The following KCNQ1 variants were observed in gnomAD, a reference collection of about 807,000 sequenced individuals.
KCNQ1 encodes the protein potassium voltage-gated channel subfamily KQT member 1.
A neutral mutation model predicts 72.4 loss-of-function variants in KCNQ1; 49 were observed. The observed-to-expected ratio is 0.68, with a 90% CI of 0.54 to 0.86. The LOEUF (loss-of-function observed/expected upper bound fraction) is 0.86. Ranked by LOEUF, KCNQ1 falls within the 40% of genes least tolerant of loss-of-function variation. The pLI is 0.00. For synonymous variants in KCNQ1, 450 were observed against 412.6 expected (o/e 1.09, Z -1.10); for missense variants, 790 against 945.1 (o/e 0.84, Z 2.15).
chr11:2,450,073 C>T lies in KCNQ1; in HGVS notation c.386+4589C>T, dbSNP rs141951176. ...CGGCCCTAGGCAGGGCCCCCAGTTCCCTGCATTCCACCCGCCTTGTCTGGG... is the reference window on the plus strand; with the variant it reads ...CGGCCCTAGGCAGGGCCCCCAGTTCTCTGCATTCCACCCGCCTTGTCTGGG... On this transcript the variant is annotated intron_variant, in intron 1 of 15. Transcript: ENST00000155840. This position sits in a 1 kb window ranked among gnomAD's most constrained non-coding sequence, Gnocchi z 7.9. Among the ~76,000 whole-genome samples, 1,029 of 152,318 alleles carry T rather than the reference C, an allele frequency of 6.8e-3. 5 individuals are homozygous for T. Among genetic ancestry groups the T allele is most frequent in the Middle Eastern group, 0.014 (4 of 294 alleles).
chr11:2,463,385 C>G lies in KCNQ1; in HGVS notation c.386+17901C>G, dbSNP rs1379763643. On this transcript the variant is annotated intron_variant, in intron 1 of 15. Transcript: ENST00000155840. The surrounding 1 kb of genome is among the most constrained non-coding windows in gnomAD (Gnocchi z 7.0). Reference sequence around the variant, plus strand: ...CCCAGATCGGCGGCTGCTCAAGGAGCCTGGTACAGCTGCACGGAGGCGCAG... The same window carrying G: ...CCCAGATCGGCGGCTGCTCAAGGAGGCTGGTACAGCTGCACGGAGGCGCAG... 2.0e-5 allele frequency among the ~76,000 whole-genome samples: 3 copies of G among 152,132 alleles called. No individual in the cohort carries two copies. The highest frequency in any genetic ancestry group is 2.9e-5 in the Non-Finnish European group (2 of 67,998).
In KCNQ1 at chr11:2,497,883, T is replaced by G. The variant is rs947461339; in HGVS notation, c.387-30045T>G. On this transcript the variant is annotated intron_variant, in intron 1 of 15. Coordinates refer to ENST00000155840, the MANE Select transcript of KCNQ1 (RefSeq NM_000218.3). The surrounding 1 kb of genome is among the most constrained non-coding windows in gnomAD (Gnocchi z 4.5). ...GGGGTCCCTTTTGTTGATGTTGATT[T>G]TGTTGCTTTCTGTTTGCTAGCTTTT... 6.6e-6 allele frequency among the ~76,000 whole-genome samples: 1 copy of G among 152,138 alleles called. No homozygotes were observed. The highest frequency in any genetic ancestry group is 2.4e-5 in the African/African-American group (1 of 41,444).
At chr11:2,684,421 C>G (rs1274972691) in intron 11 of KCNQ1, 1 of 398,662 alleles carries the variant, frequency 2.5e-6, no homozygotes, top group East Asian at 3.6e-5. Flanking sequence ...TGCCCCAGCA[C>G]CACCTCTTTC....
Position 2,777,024 on chromosome 11 carries a change from C to T in KCNQ1, c.1724C>T (p.Ser575Phe). 6.2e-7 allele frequency: 1 copy of T among 1,614,150 alleles called. No homozygotes were observed. The highest frequency in any genetic ancestry group is 8.5e-7 in the Non-Finnish European group (1 of 1,179,988). Reference sequence around the variant, plus strand: ...ATTGGGAAGCCCTCACTGTTCATCTCCGTCTCAGGTGGGTTTCTGTGTCAG... The same window carrying T: ...ATTGGGAAGCCCTCACTGTTCATCTTCGTCTCAGGTGGGTTTCTGTGTCAG... ...QSIGKPSLFI[S>F]VSEKSKDRGS... The change falls in exon 14 of 16, where the codon TCC (serine) becomes TTC (phenylalanine). Residue 575 changes from serine to phenylalanine, a missense_variant. Ser to Phe is a radical substitution (Grantham distance 155). Around this residue, in one of 5 missense-constraint regions of KCNQ1, gnomAD observed 91 missense variants for 139.1 expected, o/e 0.65. Coordinates refer to ENST00000155840, the MANE Select transcript of KCNQ1 (RefSeq NM_000218.3).
intron 1 of KCNQ1, 30 bp downstream of exon 1, chr11:2,445,514 C>G (rs779099111): frequency 3.2e-6 from 5 of 1,584,454 alleles, no homozygotes; most frequent in African/African-American, 1.3e-5. Flanking sequence ...ACGGCCGGCA[C>G]GAAGGTGCTT....
chr11:2,609,195 GT>G (rs1181636852), intron 10 of KCNQ1: 1 of 398,032 alleles, frequency 2.5e-6, no homozygotes, highest in African/African-American at 2.1e-5. Flanking sequence ...TGCTTTAAAT[GT>G]ATCCCATAAG....
intron 12 of KCNQ1, among the ~76,000 whole-genome samples, chr11:2,770,812 G>T (rs957184100): frequency 6.6e-6 from 1 of 152,244 alleles, no homozygotes; most frequent in African/African-American, 2.4e-5. Context: ...GGAGCAGGGA[G>T]CTCACTCGGG....
rs750631294 is a variant in KCNQ1 at position 2,720,109 on chromosome 11, G to A, written c.1515-48735G>A. 1.3e-4 allele frequency among the ~76,000 whole-genome samples: 20 copies of A among 152,234 alleles called. No individual in the cohort carries two copies. Among genetic ancestry groups the A allele is most frequent in the Non-Finnish European group, 8.8e-5 (6 of 68,040 alleles). On this transcript the variant is annotated intron_variant, in intron 11 of 15. Transcript: ENST00000155840. The surrounding 1 kb of genome is among the most constrained non-coding windows in gnomAD (Gnocchi z 5.1). ...ACTGGAGGGGCTCCTGCTGAAAGAG[G>A]TGGGGTTCAGTTCCCAAACCCACTG...
At chr11:2,794,954 A>C (rs1847101222) in intron 15 of KCNQ1, among the ~76,000 whole-genome samples, 1 of 152,274 alleles carries the variant, frequency 6.6e-6, no homozygotes, top group Admixed American at 6.5e-5. Flanking sequence ...GGTATAGCTC[A>C]TCACACCCCC....
Position 2,657,913 on chromosome 11 carries a change from A to T in KCNQ1, c.1394-4048A>T. 2.5e-6 allele frequency: 1 copy of T among 398,612 alleles called. No individual in the cohort carries two copies. Among genetic ancestry groups the T allele is most frequent in the Non-Finnish European group, 4.4e-6 (1 of 226,058 alleles). 24.7% of individuals were successfully genotyped at this position (398,612 alleles called of 1,614,324 possible). A position where few individuals can be genotyped will look rare whatever the true frequency, so the allele number is the denominator to read the frequency against. On this transcript the variant is annotated intron_variant, in intron 10 of 15. Coordinates refer to ENST00000155840, the MANE Select transcript of KCNQ1 (RefSeq NM_000218.3). This position sits in a 1 kb window ranked among gnomAD's most constrained non-coding sequence, Gnocchi z 4.8. ...GATGCTTTCCTCATTGTGGAACATG[A>T]CATCAACATGGTTTATCACTGGTAA... is the stretch of plus-strand genomic sequence containing the variant.
intron 1 of KCNQ1, among the ~76,000 whole-genome samples, chr11:2,499,243 G>A (rs542105662): frequency 9.7e-4 from 148 of 152,256 alleles, no homozygotes; most frequent in African/African-American, 3.5e-3. Context: ...GTCATCATCA[G>A]TTTAAAATAA....
intron 10 of KCNQ1, chr11:2,634,148 T>TG (rs1849411785): frequency 2.5e-6 from 1 of 397,392 alleles, no homozygotes; most frequent in African/African-American, 2.1e-5. Context: ...TTTTTTTTTT[T>TG]AGATTTCTCT....
At chr11:2,802,546 C>T (rs80090190) in intron 15 of KCNQ1, among the ~76,000 whole-genome samples, 1,541 of 152,290 alleles carry the variant, frequency 0.01, 22 homozygotes, top group African/African-American at 0.035. Context: ...CTCTGGGGAC[C>T]GTGGCTCTGG....
intron 11 of KCNQ1, chr11:2,675,181 G>A (rs1355246203): frequency 7.5e-6 from 3 of 398,392 alleles, no homozygotes; most frequent in Non-Finnish European, 8.8e-6. Context: ...GAAAGATTAG[G>A]GCCCCTCTAG....
intron 15 of KCNQ1, among the ~76,000 whole-genome samples, chr11:2,802,675 C>T (rs1357549852): frequency 6.6e-6 from 1 of 152,190 alleles, no homozygotes; most frequent in Non-Finnish European, 1.5e-5. Flanking sequence ...GGTCAAACCC[C>T]TAGATGACAC....
intron 6 of KCNQ1, among the ~76,000 whole-genome samples, chr11:2,574,720 C>T (rs1441208834): frequency 6.6e-6 from 1 of 152,230 alleles, no homozygotes; most frequent in Non-Finnish European, 1.5e-5. Context: ...TCAGCAGTGG[C>T]TCCTGACGTA....
In KCNQ1 at chr11:2,456,795, C is replaced by T. The variant is rs1441471582; in HGVS notation, c.386+11311C>T. Among the ~76,000 whole-genome samples, 29 of 134,592 alleles carry T rather than the reference C, an allele frequency of 2.2e-4. 1 individual carries two copies. Among genetic ancestry groups the T allele is most frequent in the African/African-American group, 6.3e-4 (21 of 33,452 alleles). 88.3% of individuals were successfully genotyped at this position (134,592 alleles called of 152,430 possible). Reference sequence around the variant, plus strand: ...AAAAAAAAAAAAAAAAAAAATTAGCCGGGCGTGGGGGTGGGCGCCTGTAGT... The same window carrying T: ...AAAAAAAAAAAAAAAAAAAATTAGCTGGGCGTGGGGGTGGGCGCCTGTAGT... On this transcript the variant is annotated intron_variant, in intron 1 of 15. Transcript: ENST00000155840.
At chr11:2,810,651 T>A (rs1349904585) in intron 15 of KCNQ1, among the ~76,000 whole-genome samples, 1 of 152,230 alleles carries the variant, frequency 6.6e-6, no homozygotes, top group Non-Finnish European at 1.5e-5. Flanking sequence ...TCTGCTTAAT[T>A]CCTTGATCTT....
Position 2,592,246 on chromosome 11 carries a change from G to A in KCNQ1, c.1393+3392G>A, listed in dbSNP as rs1047535557. Reference sequence around the variant, plus strand: ...TGGAGAAACGGAAGGCCAGGGCCATGTGGGGAACTCCTGAGGACACCTGTG... The same window carrying A: ...TGGAGAAACGGAAGGCCAGGGCCATATGGGGAACTCCTGAGGACACCTGTG... On this transcript the variant is annotated intron_variant, in intron 10 of 15. Coordinates refer to ENST00000155840, the MANE Select transcript of KCNQ1 (RefSeq NM_000218.3). This position sits in a 1 kb window ranked among gnomAD's most constrained non-coding sequence, Gnocchi z 5.2. Among the ~76,000 whole-genome samples the A allele has an allele frequency of 3.9e-5, 6 of 152,368 alleles. No homozygotes were observed. Among genetic ancestry groups the A allele is most frequent in the African/African-American group, 1.4e-4 (6 of 41,588 alleles).
Sources: allele counts gnomAD v4.1 joint callset (sites outside exome capture counted in the v4.1 genomes callset), GRCh38; gene constraint gnomAD v4.1.1; regional missense constraint gnomAD v4.1.1; non-coding constraint Gnocchi (gnomAD v3.1); transcripts MANE v1.5; gene names NCBI Gene and HGNC (gene_info 2026-07-23, HGNC 2026-07-21).